FAM186B: variants seen among roughly 807,000 people sequenced by gnomAD.
FAM186B encodes the protein protein FAM186B.
Under a neutral mutation model 83.4 loss-of-function variants are expected in FAM186B, and 68 were observed. The observed-to-expected ratio is 0.81, with a 90% CI of 0.67 to 1.00. The LOEUF (loss-of-function observed/expected upper bound fraction) is 1.00, where lower values mean the gene tolerates loss of function less well. Among genes scored for constraint, FAM186B ranks in the 50% least tolerant of loss-of-function variants. The pLI, the probability that FAM186B is intolerant of heterozygous loss-of-function variation, is 0.00. For missense variants in FAM186B, 983 were observed against 1,099.2 expected, an observed-to-expected ratio of 0.89 and a Z score of 1.49; for synonymous variants, 389 against 422.0, an observed-to-expected ratio of 0.92 and a Z score of 0.96.
chr12:49,595,424 T>C (rs893625030), intron 5 of FAM186B: 1 of 515,792 alleles, frequency 1.9e-6, no homozygotes, highest in Middle Eastern at 3.4e-4. Context: ...AAGGGCCTTA[T>C]AGCCACTATC....
chr12:49,619,449 T>A, the FAM186B span: 8 of 591,232 alleles, frequency 1.4e-5, no homozygotes, highest in Admixed American at 1.7e-4. Context: ...TTTGCAGCAA[T>A]TGTTGCATAT....
chr12:49,585,205 A>G (rs1168418095), downstream of FAM186B, among the ~76,000 whole-genome samples: 1 of 151,864 alleles, frequency 6.6e-6, no homozygotes, highest in Non-Finnish European at 1.5e-5. Flanking sequence ...TTTTTAGTAG[A>G]GATGGGGTTT....
intron 5 of FAM186B, chr12:49,595,558 G>GAAAA (rs1939697084): frequency 2.2e-6 from 1 of 445,294 alleles, no homozygotes; most frequent in Non-Finnish European, 4.5e-6. Context: ...GAATCGTGTG[G>GAAAA]AAAAGGACGG....
chr12:49,603,340 G>A lies in FAM186B; in HGVS notation c.350C>T (p.Pro117Leu), dbSNP rs1281650587. ...TGCTGCTTCCTCTTCACTCTTCCTGGGCCCAATCTCATAGGTCAGAGTGTC... is the reference window on the plus strand; with the variant it reads ...TGCTGCTTCCTCTTCACTCTTCCTGAGCCCAATCTCATAGGTCAGAGTGTC... Reference protein sequence around the residue: ...WGDTLTYEIGPRKSEEEAAAL... With the variant: ...WGDTLTYEIGLRKSEEEAAAL... Residue 117 changes from proline (P) to leucine (L), a missense_variant, in exon 3 of 7, where the codon CCC (proline) becomes CTC (leucine). Pro to Leu is a moderately conservative substitution (Grantham distance 98). Coordinates refer to ENST00000257894, the MANE Select transcript of FAM186B (RefSeq NM_032130.3). 1.9e-6 allele frequency: 3 copies of A among 1,614,090 alleles called. No individual in the cohort carries two copies. The highest frequency in any genetic ancestry group is 2.2e-5 in the East Asian group (1 of 44,878).
chr12:49,597,894 T>C (rs953285153), intron 5 of FAM186B, among the ~76,000 whole-genome samples: 20 of 152,160 alleles, frequency 1.3e-4, no homozygotes, highest in African/African-American at 4.3e-4. Flanking sequence ...ACCCCGTCTC[T>C]ACTAAAAATG....
intron 4 of FAM186B, among the ~76,000 whole-genome samples, 168 bp from the exon 5 acceptor site, chr12:49,599,115 A>G (rs941419847): frequency 2.6e-5 from 4 of 152,038 alleles, no homozygotes; most frequent in Non-Finnish European, 5.9e-5. Context: ...GGTGGTATGA[A>G]GTGAGGAGCC....
At chr12:49,610,575 G>A (rs573592402), upstream of FAM186B, among the ~76,000 whole-genome samples, 26 of 152,274 alleles carry the variant, frequency 1.7e-4, no homozygotes, top group Admixed American at 4.6e-4. Context: ...CGGATCATGA[G>A]GTCAGGAGAC....
At chr12:49,605,795 T>G (rs1231861457), upstream of FAM186B, among the ~76,000 whole-genome samples, 3 of 148,394 alleles carry the variant, frequency 2.0e-5, no homozygotes, top group African/African-American at 7.6e-5. Flanking sequence ...AGTCTCCCTC[T>G]GTAGCCCAGG....
chr12:49,605,564 G>A lies in FAM186B; in HGVS notation c.-87C>T. 2.8e-6 allele frequency: 4 copies of A among 1,447,398 alleles called. No individual in the cohort carries two copies. In the South Asian group the frequency reaches 4.0e-5, roughly 15 times the overall value. The allele number at this position is 1,447,398 out of a possible 1,614,324, so 89.7% of individuals were successfully genotyped here. ...AATGTTGCCTGCTTTGGAGGTTAAGGGCACCAGGGTGTCTCCTGGGTACCC... is the reference window on the plus strand; with the variant it reads ...AATGTTGCCTGCTTTGGAGGTTAAGAGCACCAGGGTGTCTCCTGGGTACCC... On this transcript the variant is annotated 5_prime_UTR_variant, in exon 1 of 7. Transcript: ENST00000257894.
At chr12:49,604,866 G>A in intron 1 of FAM186B, 1 of 237,494 alleles carries the variant, frequency 4.2e-6, no homozygotes, top group African/African-American at 2.3e-5. Flanking sequence ...GTTGCTGGGG[G>A]TTTCTGGATG....
At chr12:49,589,644 A>G (rs895155178) in intron 5 of FAM186B, among the ~76,000 whole-genome samples, 4 of 149,586 alleles carry the variant, frequency 2.7e-5, no homozygotes, top group African/African-American at 7.4e-5. Flanking sequence ...AACATCAGTG[A>G]AAAAAAAAAG....
intron 5 of FAM186B, among the ~76,000 whole-genome samples, chr12:49,596,323 CA>C (rs933362822): frequency 0.034 from 2,188 of 64,284 alleles, 35 homozygotes; most frequent in African/African-American, 0.089. Flanking sequence ...ACCCCCGTCT[CA>C]AAAAAAAAAA....
chr12:49,599,372 T>TC (rs903868234), intron 4 of FAM186B, 97 bp downstream of exon 4: 8 of 1,423,350 alleles, frequency 5.6e-6, no homozygotes, highest in South Asian at 3.5e-5. Context: ...GCTCTCCCCA[T>TC]CCCCCCTTGC....
chr12:49,611,907 G>T, the FAM186B span, among the ~76,000 whole-genome samples: 1 of 151,410 alleles, frequency 6.6e-6, no homozygotes, highest in Non-Finnish European at 1.5e-5. Context: ...AGTTGAAGGA[G>T]AAATAAAAGC....
At chr12:49,616,900 G>A in the FAM186B span, among the ~76,000 whole-genome samples, 1 of 152,170 alleles carries the variant, frequency 6.6e-6, no homozygotes, top group South Asian at 2.1e-4. Flanking sequence ...TGTAATGCTC[G>A]AGACTGTGGA....
At position 49,605,386 on chromosome 12, in the gene FAM186B, T is replaced by C. The variant is rs1377959976; in HGVS notation, c.92A>G (p.Gln31Arg). 5 of 1,612,074 alleles carry C rather than the reference T, an allele frequency of 3.1e-6. No individual in the cohort carries two copies. The highest frequency in any genetic ancestry group is 1.7e-5 in the Admixed American group (1 of 59,862). ...RIEAAQLTRA[Q>R]EDISTQLSDI... is the part of the protein sequence containing the mutation. ...TTCCTTCATCTCAGGGGCTACCTCT[T>C]GAGCCCGAGTTAGCTGGGCAGCCTC... is the stretch of plus-strand genomic sequence containing the variant. Residue 31 changes from glutamine to arginine, a missense_variant, in exon 1 of 7, where the codon CAA becomes CGA. Coordinates refer to ENST00000257894, the MANE Select transcript of FAM186B (RefSeq NM_032130.3).
intron 4 of FAM186B, 27 bp from the exon 5 acceptor site, chr12:49,598,974 G>T (rs770922378): frequency 6.8e-6 from 11 of 1,608,362 alleles, no homozygotes; most frequent in Non-Finnish European, 8.5e-6. Flanking sequence ...AGCAATTTAG[G>T]GGGTGGAGAG....
intron 6 of FAM186B, among the ~76,000 whole-genome samples, chr12:49,588,126 A>G (rs1939491270): frequency 6.6e-6 from 1 of 152,226 alleles, no homozygotes; most frequent in Non-Finnish European, 1.5e-5. Context: ...TGTTTATAGG[A>G]CAGACCAACG....
At chr12:49,598,645 G>C in intron 5 of FAM186B, 110 bp downstream of exon 5, 2 of 957,306 alleles carry the variant, frequency 2.1e-6, no homozygotes, top group South Asian at 3.4e-5. Context: ...TTCTGCCCCT[G>C]GTCCCGCAGT....
Sources: allele counts gnomAD v4.1 joint callset (sites outside exome capture counted in the v4.1 genomes callset), GRCh38; gene constraint gnomAD v4.1.1; transcripts MANE v1.5; gene names NCBI Gene and HGNC (gene_info 2026-07-23, HGNC 2026-07-21).